MYO3A: variants seen among roughly 807,000 people sequenced by gnomAD.
The protein encoded by MYO3A is myosin IIIA.
MYO3A carries 180 observed loss-of-function variants against 192.7 expected under a neutral mutation model. That is an observed-to-expected ratio of 0.93 (90% CI 0.83 to 1.06). The LOEUF is 1.06. MYO3A is among the 50% of genes least tolerant of loss of function. The pLI is 0.00. For synonymous variants in MYO3A, 628 were observed against 645.3 expected, an observed-to-expected ratio of 0.97 and a Z score of 0.41; for missense variants, 1,896 against 1,905.0, an observed-to-expected ratio of 1.00 and a Z score of 0.09.
rs117925617 is a variant in MYO3A at position 26,005,044 on chromosome 10, G to A, written c.508+7786G>A. On this transcript the variant is annotated intron_variant, in intron 6 of 34. Coordinates refer to ENST00000642920, the MANE Select transcript of MYO3A (RefSeq NM_017433.5). ...AGAAATAGGGTAGCTTAATTGTTTC[G>A]AAATATCTCTCCACAAAATACTAAT... Among the ~76,000 whole-genome samples the A allele has an allele frequency of 9.5e-3, 1,449 of 152,142 alleles. 6 individuals carry two copies. The highest frequency in any genetic ancestry group is 0.034 in the Middle Eastern group (10 of 294).
chr10:26,068,733 T>G, intron 11 of MYO3A, 35 bp from the exon 12 acceptor site: 1 of 1,385,220 alleles, frequency 7.2e-7, no homozygotes, highest in African/African-American at 1.4e-5. Context: ...CACAAATAAT[T>G]TTTAAGAAGG....
intron 26 of MYO3A, chr10:26,165,830 G>A: frequency 1.7e-6 from 1 of 587,252 alleles, no homozygotes; most frequent in Non-Finnish European, 3.0e-6. Context: ...ATTAAGTTTT[G>A]AAAGGTGATC....
At chr10:26,168,324 G>A (rs578099363) in intron 27 of MYO3A, among the ~76,000 whole-genome samples, 1 of 151,024 alleles carries the variant, frequency 6.6e-6, no homozygotes, top group East Asian at 2.0e-4. Context: ...TTTATAATAA[G>A]ATCTATTCAG....
chr10:26,100,007 T>C (rs989615702), intron 17 of MYO3A, among the ~76,000 whole-genome samples: 6 of 152,352 alleles, frequency 3.9e-5, no homozygotes, highest in African/African-American at 1.4e-4. Context: ...TCTTTGTACC[T>C]CTGGTAGAAT....
intron 4 of MYO3A, among the ~76,000 whole-genome samples, chr10:25,984,862 G>A (rs776224582): frequency 1.8e-4 from 27 of 152,190 alleles, no homozygotes; most frequent in South Asian, 1.0e-3. Context: ...AACAATAATA[G>A]TGACACAACC....
intron 2 of MYO3A, among the ~76,000 whole-genome samples, chr10:25,948,076 G>T (rs1170805650): frequency 6.6e-6 from 1 of 152,132 alleles, no homozygotes; most frequent in Non-Finnish European, 1.5e-5. Context: ...GACTTATTGG[G>T]GAGGTGATGG....
At chr10:26,117,604 T>G (rs966291552) in intron 17 of MYO3A, among the ~76,000 whole-genome samples, 1 of 152,206 alleles carries the variant, frequency 6.6e-6, no homozygotes, top group Non-Finnish European at 1.5e-5. Flanking sequence ...TTTGGTTTTC[T>G]GTTCCTGCGC....
chr10:26,117,550 G>A (rs189705768), intron 17 of MYO3A, among the ~76,000 whole-genome samples: 2 of 152,190 alleles, frequency 1.3e-5, no homozygotes, highest in African/African-American at 4.8e-5. Context: ...GTGTCCCTGT[G>A]TTCTCATCAT....
intron 4 of MYO3A, among the ~76,000 whole-genome samples, chr10:25,993,375 T>C (rs1284939764): frequency 6.6e-6 from 1 of 152,246 alleles, no homozygotes; most frequent in Admixed American, 6.5e-5. Context: ...TGATTTTTTA[T>C]TGCATCTGTT....
At chr10:26,011,411 G>A (rs996118268) in intron 6 of MYO3A, among the ~76,000 whole-genome samples, 1 of 151,988 alleles carries the variant, frequency 6.6e-6, no homozygotes, top group African/African-American at 2.4e-5. Context: ...TCTAGCCTGG[G>A]CGATGGAAGT....
Position 25,991,682 on chromosome 10 carries a change from A to G in MYO3A, c.304-4808A>G, listed in dbSNP as rs964815333. On this transcript the variant is annotated intron_variant, in intron 4 of 34. Coordinates refer to ENST00000642920, the MANE Select transcript of MYO3A (RefSeq NM_017433.5). ...TAAGTCTTTAATCCATCTTGAATTA[A>G]GTTTTGTATAAGGTGTAAGGAAGGG... Among the ~76,000 whole-genome samples the G allele has an allele frequency of 7.9e-5, 12 of 152,282 alleles. 1 individual carries two copies. The highest frequency in any genetic ancestry group is 5.9e-4 in the Admixed American group (9 of 15,294).
At chr10:25,960,693 T>C (rs1837870253) in intron 4 of MYO3A, among the ~76,000 whole-genome samples, 1 of 152,108 alleles carries the variant, frequency 6.6e-6, no homozygotes, top group Non-Finnish European at 1.5e-5. Context: ...CATCTTCACA[T>C]TGAATAGTCT....
At chr10:26,060,803 A>G (rs1397301234) in intron 10 of MYO3A, among the ~76,000 whole-genome samples, 1 of 152,250 alleles carries the variant, frequency 6.6e-6, no homozygotes, top group East Asian at 1.9e-4. Flanking sequence ...GCCCAATATT[A>G]TACAAAGAAA....
At chr10:26,065,811 A>G (rs1020361244) in intron 10 of MYO3A, among the ~76,000 whole-genome samples, 8 of 151,786 alleles carry the variant, frequency 5.3e-5, no homozygotes, top group African/African-American at 1.9e-4. Context: ...GACAGAAGCT[A>G]TTATAGTATA....
intron 14 of MYO3A, among the ~76,000 whole-genome samples, chr10:26,084,251 T>C (rs909157955): frequency 3.3e-5 from 5 of 152,226 alleles, no homozygotes; most frequent in African/African-American, 1.2e-4. Flanking sequence ...ATTGTTTGAT[T>C]TGCATATGTT....
chr10:25,955,103 A>G (rs1837458578), intron 4 of MYO3A, 95 bp downstream of exon 4: 4 of 1,520,124 alleles, frequency 2.6e-6, no homozygotes, highest in Non-Finnish European at 3.6e-6. Flanking sequence ...TATCATAAAA[A>G]CAGTTCTGAT....
chr10:25,979,729 T>G (rs1239290222), intron 4 of MYO3A, among the ~76,000 whole-genome samples: 1 of 152,194 alleles, frequency 6.6e-6, no homozygotes, highest in Non-Finnish European at 1.5e-5. Context: ...GTGTTTTCCC[T>G]CTAATGAGGG....
intron 10 of MYO3A, among the ~76,000 whole-genome samples, chr10:26,036,315 T>C (rs1843037312): frequency 1.3e-5 from 2 of 152,172 alleles, no homozygotes; most frequent in Non-Finnish European, 2.9e-5. Flanking sequence ...ATCTAACTTA[T>C]CCTTGAAATG....
At chr10:25,977,296 A>C (rs1036826150) in intron 4 of MYO3A, among the ~76,000 whole-genome samples, 1 of 152,184 alleles carries the variant, frequency 6.6e-6, no homozygotes, top group African/African-American at 2.4e-5. Context: ...AGTTTCATTC[A>C]GAAAACTTTT....
Sources: allele counts gnomAD v4.1 joint callset (sites outside exome capture counted in the v4.1 genomes callset), GRCh38; gene constraint gnomAD v4.1.1; transcripts MANE v1.5; gene names NCBI Gene and HGNC (gene_info 2026-07-23, HGNC 2026-07-21).